DPP10: variants seen among roughly 807,000 people sequenced by gnomAD.
DPP10 encodes the protein inactive dipeptidyl peptidase 10.
A neutral mutation model predicts 120.9 loss-of-function variants in DPP10; 33 were observed. The ratio of observed to expected loss-of-function variants is 0.27; its 90% CI spans 0.21 to 0.37. The LOEUF (loss-of-function observed/expected upper bound fraction) is 0.37, where lower values mean the gene tolerates loss of function less well. DPP10 is among the 10% of genes least tolerant of loss of function. The pLI, the probability that DPP10 is intolerant of heterozygous loss-of-function variation, is 1.00. For synonymous variants in DPP10, 337 were observed against 326.1 expected, an observed-to-expected ratio of 1.03 and a Z score of -0.36; for missense variants, 816 against 942.8, an observed-to-expected ratio of 0.87 and a Z score of 1.76.
chr2:114,724,530 A>C (rs1178544381), intron 1 of DPP10, among the ~76,000 whole-genome samples: 1 of 152,208 alleles, frequency 6.6e-6, no homozygotes, highest in Non-Finnish European at 1.5e-5. Context: ...AGACTCATAC[A>C]TACTCAGCCG....
intron 1 of DPP10, among the ~76,000 whole-genome samples, chr2:115,117,491 C>G (rs2049579900): frequency 6.6e-6 from 1 of 152,058 alleles, no homozygotes; most frequent in Non-Finnish European, 1.5e-5. Flanking sequence ...ACCTATAACC[C>G]CAGCCACTCG....
At chr2:114,873,221 A>G (rs1690841838) in intron 1 of DPP10, among the ~76,000 whole-genome samples, 1 of 152,148 alleles carries the variant, frequency 6.6e-6, no homozygotes, top group Admixed American at 6.6e-5. Flanking sequence ...GTTAACTTTT[A>G]GGAGAGGCTG....
intron 1 of DPP10, among the ~76,000 whole-genome samples, chr2:114,643,859 G>C (rs1695896618): frequency 6.7e-6 from 1 of 150,130 alleles, no homozygotes; most frequent in African/African-American, 2.5e-5. Context: ...CACTTGATTA[G>C]TGTGTGTTTG....
rs1021431729 is a variant in DPP10 at position 115,180,597 on chromosome 2, C to T, written c.61-128642C>T. ...TGACCTCTGAGATTTCAGTGTTTGG[C>T]GGAGTACCAAGCTCTCTGTTTCACC... On this transcript the variant is annotated intron_variant, in intron 1 of 25. Coordinates refer to ENST00000410059, the MANE Select transcript of DPP10 (RefSeq NM_020868.6). Among the ~76,000 whole-genome samples, 33 of 152,116 alleles carry T rather than the reference C, an allele frequency of 2.2e-4. 1 individual carries two copies. The highest frequency in any genetic ancestry group is 8.3e-4 in the South Asian group (4 of 4,826).
At chr2:115,558,361 G>A (rs1039442630) in intron 5 of DPP10, among the ~76,000 whole-genome samples, 2 of 152,310 alleles carry the variant, frequency 1.3e-5, no homozygotes, top group Middle Eastern at 3.4e-3. Flanking sequence ...GACTCCTGAA[G>A]ATCTCATTCA....
chr2:115,635,258 G>T (rs2086231400), intron 5 of DPP10, among the ~76,000 whole-genome samples: 4 of 152,136 alleles, frequency 2.6e-5, no homozygotes, highest in Admixed American at 2.6e-4. Context: ...GTAGTCTTAG[G>T]CAGTCTCCAG....
intron 1 of DPP10, among the ~76,000 whole-genome samples, chr2:115,011,781 C>T (rs1702281370): frequency 6.6e-6 from 1 of 152,084 alleles, no homozygotes; most frequent in Admixed American, 6.6e-5. Context: ...TAAGAGAATC[C>T]ACACACCCTT....
chr2:115,073,849 T>G (rs1707570439), intron 1 of DPP10, among the ~76,000 whole-genome samples: 1 of 152,208 alleles, frequency 6.6e-6, no homozygotes, highest in South Asian at 2.1e-4. Context: ...AATTTCTTTC[T>G]CCTTTACTGA....
intron 1 of DPP10, among the ~76,000 whole-genome samples, chr2:114,579,495 T>G (rs1262229474): frequency 1.3e-5 from 2 of 152,220 alleles, no homozygotes; most frequent in East Asian, 3.9e-4. Context: ...ATTCAGAGTT[T>G]AGAAATAAGT....
chr2:115,300,128 A>G (rs922847901), intron 1 of DPP10, among the ~76,000 whole-genome samples: 3 of 152,046 alleles, frequency 2.0e-5, no homozygotes, highest in African/African-American at 7.2e-5. Flanking sequence ...CATTAAGTAC[A>G]TTTGCGTTGC....
At chr2:114,687,601 C>T (rs1699456180) in intron 1 of DPP10, among the ~76,000 whole-genome samples, 1 of 151,962 alleles carries the variant, frequency 6.6e-6, no homozygotes, top group Non-Finnish European at 1.5e-5. Flanking sequence ...AAGCTTTCAA[C>T]CACAGAATCC....
At chr2:114,798,803 GTTATAC>G (rs1405544757) in intron 1 of DPP10, among the ~76,000 whole-genome samples, 1 of 152,112 alleles carries the variant, frequency 6.6e-6, no homozygotes, top group Non-Finnish European at 1.5e-5. Flanking sequence ...CCATTTTTGT[GTTATAC>G]TTAAATTTAC....
At chr2:115,466,456 T>C (rs543523015) in intron 3 of DPP10, among the ~76,000 whole-genome samples, 27 of 152,288 alleles carry the variant, frequency 1.8e-4, no homozygotes, top group African/African-American at 6.5e-4. Context: ...TCTGATTTGA[T>C]GTATTAATTA....
At chr2:115,834,290 A>C (rs1208357456) in intron 21 of DPP10, among the ~76,000 whole-genome samples, 1 of 152,184 alleles carries the variant, frequency 6.6e-6, no homozygotes, top group Non-Finnish European at 1.5e-5. Context: ...TGACAATGAC[A>C]ATAAAACTAT....
At chr2:114,642,663 G>A (rs1695798243) in intron 1 of DPP10, among the ~76,000 whole-genome samples, 1 of 151,626 alleles carries the variant, frequency 6.6e-6, no homozygotes, top group Non-Finnish European at 1.5e-5. Flanking sequence ...GCTCACCAGG[G>A]GAGCACAGTG....
At chr2:115,646,936 G>A (rs2087316919) in intron 5 of DPP10, among the ~76,000 whole-genome samples, 1 of 152,188 alleles carries the variant, frequency 6.6e-6, no homozygotes, top group South Asian at 2.1e-4. Context: ...AGATGAGGGA[G>A]GTAATTTCGT....
At chr2:114,586,529 A>G (rs1690994412) in intron 1 of DPP10, among the ~76,000 whole-genome samples, 1 of 152,238 alleles carries the variant, frequency 6.6e-6, no homozygotes, top group Admixed American at 6.5e-5. Flanking sequence ...CAACATGTAA[A>G]AGGCTTACAG....
intron 1 of DPP10, among the ~76,000 whole-genome samples, chr2:114,594,113 C>T (rs779183438): frequency 3.3e-5 from 5 of 152,020 alleles, no homozygotes; most frequent in Admixed American, 1.3e-4. Flanking sequence ...GGCAGACCCA[C>T]CCTTAACTGG....
chr2:115,839,698 T>C (rs568330999), intron 24 of DPP10, among the ~76,000 whole-genome samples: 1 of 143,608 alleles, frequency 7.0e-6, no homozygotes, highest in East Asian at 2.0e-4. Context: ...AAAAGGCAGC[T>C]TAAACATGAG....
Sources: allele counts gnomAD v4.1 joint callset (sites outside exome capture counted in the v4.1 genomes callset), GRCh38; gene constraint gnomAD v4.1.1; transcripts MANE v1.5; gene names NCBI Gene and HGNC (gene_info 2026-07-23, HGNC 2026-07-21).